ASH1L: variants seen among roughly 807,000 people sequenced by gnomAD.
ASH1L encodes ASH1 like histone lysine methyltransferase.
ASH1L carries 23 observed loss-of-function variants against 269.0 expected under a neutral mutation model. The observed-to-expected ratio is 0.09, with a 90% confidence interval of 0.06 to 0.12. The LOEUF is 0.12. Among genes scored for constraint, ASH1L ranks in the 10% least tolerant of loss-of-function variants. The pLI is 1.00. For missense variants in ASH1L, 2,912 were observed against 3,567.8 expected (o/e 0.82, Z 4.68); for synonymous variants, 1,187 against 1,253.5 (o/e 0.95, Z 1.12).
At chr1:155,341,809 A>T (rs1402683827) in intron 25 of ASH1L, 127 bp downstream of exon 25, 3 of 921,782 alleles carry the variant, frequency 3.3e-6, no homozygotes, top group Non-Finnish European at 5.1e-6. Context: ...AGAGACAGAG[A>T]TATCCATAGT....
chr1:155,383,821 A>T (rs1359602737), intron 7 of ASH1L, among the ~76,000 whole-genome samples: 1 of 152,210 alleles, frequency 6.6e-6, no homozygotes, highest in Non-Finnish European at 1.5e-5. Context: ...ACAGTAGGGG[A>T]TAATGAAAAA....
At chr1:155,497,751 C>CT (rs59853262) in intron 2 of ASH1L, among the ~76,000 whole-genome samples, 2,672 of 137,200 alleles carry the variant, frequency 0.019, 56 homozygotes, top group African/African-American at 0.06. Flanking sequence ...GAAGAAAATT[C>CT]TTTTTTTTTT....
chr1:155,388,372 G>C (rs1240929827), intron 7 of ASH1L, among the ~76,000 whole-genome samples: 4 of 152,114 alleles, frequency 2.6e-5, no homozygotes, highest in Admixed American at 1.3e-4. Context: ...GCTCATTGCA[G>C]CCTCAAGCTC....
At chr1:155,540,413 C>T (rs376355973) in intron 1 of ASH1L, among the ~76,000 whole-genome samples, 1 of 152,190 alleles carries the variant, frequency 6.6e-6, no homozygotes, top group Non-Finnish European at 1.5e-5. Flanking sequence ...CTACATATCT[C>T]TGGCCTCACC....
chr1:155,377,826 C>T (rs1656591087), intron 10 of ASH1L, among the ~76,000 whole-genome samples: 1 of 151,998 alleles, frequency 6.6e-6, no homozygotes, highest in Non-Finnish European at 1.5e-5. Flanking sequence ...TTGAGATCAT[C>T]CTGGCTAATA....
chr1:155,343,644 G>A lies in ASH1L; in HGVS notation c.8080C>T (p.Leu2694Phe). The stretch of plus-strand genomic sequence containing the variant: ...AGCTTCTCAATGCGAAAGATGTCAA[G>A]TTTATCTCGGTTAATGTGAGATAAC... ...RLLSHINRDK[L>F]DIFRIEKLWK... The change falls in exon 23 of 28, where the codon CTT (leucine) becomes TTT (phenylalanine). Residue 2694 changes from leucine (L) to phenylalanine (F), a missense_variant. Coordinates refer to ENST00000392403, the MANE Select transcript of ASH1L (RefSeq NM_018489.3). This position sits in a 1 kb window ranked among gnomAD's most constrained non-coding sequence, Gnocchi z 6.1. 1 of 1,614,192 alleles carries A rather than the reference G, an allele frequency of 6.2e-7. No individual in the cohort carries two copies. Among genetic ancestry groups the A allele is most frequent in the Non-Finnish European group, 8.5e-7 (1 of 1,180,036 alleles).
intron 5 of ASH1L, among the ~76,000 whole-genome samples, chr1:155,427,351 A>G (rs1007100351): frequency 6.6e-6 from 1 of 151,128 alleles, no homozygotes; most frequent in African/African-American, 2.4e-5. Flanking sequence ...CTTGTTGCCC[A>G]GGCTGGAGTG....
chr1:155,499,780 A>G (rs1174893698), intron 2 of ASH1L, among the ~76,000 whole-genome samples: 1 of 152,224 alleles, frequency 6.6e-6, no homozygotes, highest in Non-Finnish European at 1.5e-5. Context: ...GAAAGTAATG[A>G]TATTTAGGCT....
chr1:155,460,885 C>T (rs954844646), intron 3 of ASH1L, among the ~76,000 whole-genome samples: 3 of 152,064 alleles, frequency 2.0e-5, no homozygotes, highest in Non-Finnish European at 2.9e-5. Context: ...TTACATCTCC[C>T]GCTCAAAAGA....
chr1:155,471,459 GATCTA>G (rs1665093495), intron 3 of ASH1L, among the ~76,000 whole-genome samples: 1 of 152,200 alleles, frequency 6.6e-6, no homozygotes, highest in South Asian at 2.1e-4. Context: ...CATGGCCAAT[GATCTA>G]ATCAATCCGG....
intron 1 of ASH1L, among the ~76,000 whole-genome samples, chr1:155,530,117 C>CTT (rs1669559488): frequency 6.6e-6 from 1 of 152,054 alleles, no homozygotes; most frequent in South Asian, 2.1e-4. Flanking sequence ...CTTTCACTTC[C>CTT]TTCGTATCTT....
chr1:155,342,284 G>C (rs968116965), intron 24 of ASH1L, among the ~76,000 whole-genome samples, 182 bp from the exon 25 acceptor site: 2 of 152,186 alleles, frequency 1.3e-5, no homozygotes, highest in Non-Finnish European at 2.9e-5. Flanking sequence ...TCAGACACTA[G>C]TGTCAACAAA....
At chr1:155,379,646 G>A (rs910351690) in intron 8 of ASH1L, among the ~76,000 whole-genome samples, 1 of 152,140 alleles carries the variant, frequency 6.6e-6, no homozygotes, top group Non-Finnish European at 1.5e-5. Flanking sequence ...TCTTTTGCAT[G>A]TGAAAAATAA....
intron 2 of ASH1L, among the ~76,000 whole-genome samples, chr1:155,490,561 TGAGCA>T (rs1666695243): frequency 6.7e-6 from 1 of 150,070 alleles, no homozygotes; most frequent in Non-Finnish European, 1.5e-5. Flanking sequence ...GAGATTGCAG[TGAGCA>T]AAGATCGCAC....
chr1:155,462,728 T>C (rs1158487570), intron 3 of ASH1L, among the ~76,000 whole-genome samples: 3 of 152,216 alleles, frequency 2.0e-5, no homozygotes, highest in Non-Finnish European at 1.5e-5. Flanking sequence ...TAAAATTTCA[T>C]TCAGGAAGGT....
At chr1:155,533,504 G>C (rs1336764821) in intron 1 of ASH1L, among the ~76,000 whole-genome samples, 1 of 151,676 alleles carries the variant, frequency 6.6e-6, no homozygotes, top group East Asian at 1.9e-4. Flanking sequence ...ATGAGGTCAG[G>C]AGTTTGAGAC....
chr1:155,536,894 A>G (rs1430393932), intron 1 of ASH1L, among the ~76,000 whole-genome samples: 1 of 151,984 alleles, frequency 6.6e-6, no homozygotes, highest in Non-Finnish European at 1.5e-5. Flanking sequence ...TACAAAAAAA[A>G]ATTAGCCGGG....
intron 3 of ASH1L, among the ~76,000 whole-genome samples, chr1:155,474,653 C>T (rs375896636): frequency 1.3e-5 from 2 of 152,046 alleles, no homozygotes; most frequent in Non-Finnish European, 2.9e-5. Flanking sequence ...GAGCCAAGAT[C>T]GTGCCACTGC....
intron 2 of ASH1L, among the ~76,000 whole-genome samples, chr1:155,488,962 A>G (rs1172614687): frequency 2.0e-5 from 3 of 152,222 alleles, no homozygotes; most frequent in Admixed American, 6.5e-5. Context: ...TACATTTCAG[A>G]TATTTTACCA....
Sources: allele counts gnomAD v4.1 joint callset (sites outside exome capture counted in the v4.1 genomes callset), GRCh38; gene constraint gnomAD v4.1.1; non-coding constraint Gnocchi (gnomAD v3.1); transcripts MANE v1.5; gene names NCBI Gene and HGNC (gene_info 2026-07-23, HGNC 2026-07-21).